KLHL3: variants seen among roughly 807,000 people sequenced by gnomAD.
KLHL3 encodes the protein kelch-like protein 3.
In KLHL3, 19 loss-of-function variants were observed where a neutral mutation model predicts 70.5. The observed-to-expected ratio is 0.27, with a 90% CI of 0.19 to 0.40. The LOEUF is 0.40. Ranked by LOEUF, KLHL3 falls within the 10% of genes least tolerant of loss-of-function variation. The pLI, the probability that KLHL3 is intolerant of heterozygous loss-of-function variation, is 1.00. For missense variants in KLHL3, 512 were observed against 771.1 expected (o/e 0.66, Z 3.98); for synonymous variants, 258 against 290.3 (o/e 0.89, Z 1.13).
chr5:137,686,386 T>TC (rs1286373170), intron 5 of KLHL3, among the ~76,000 whole-genome samples: 1 of 152,108 alleles, frequency 6.6e-6, no homozygotes, highest in Non-Finnish European at 1.5e-5. Context: ...TTCCCCCTGT[T>TC]CCCCAGATCA....
intron 14 of KLHL3, among the ~76,000 whole-genome samples, chr5:137,622,850 C>T (rs1459468758): frequency 6.6e-6 from 1 of 152,222 alleles, no homozygotes; most frequent in African/African-American, 2.4e-5. Flanking sequence ...AGGTTGATTC[C>T]GTCAACATCC....
chr5:137,648,375 G>A (rs1751109092), intron 8 of KLHL3, among the ~76,000 whole-genome samples: 1 of 152,254 alleles, frequency 6.6e-6, no homozygotes, highest in African/African-American at 2.4e-5. Context: ...CGTTTCAGTA[G>A]CATTTTTAAA....
At chr5:137,658,721 G>C (rs1751403773) in intron 7 of KLHL3, among the ~76,000 whole-genome samples, 1 of 152,104 alleles carries the variant, frequency 6.6e-6, no homozygotes, top group Admixed American at 6.6e-5. Flanking sequence ...AGAGGAAAGG[G>C]TGTGGGAGCC....
chr5:137,720,850 C>CTCCA, intron 1 of KLHL3: 1 of 1,267,930 alleles, frequency 7.9e-7, no homozygotes, highest in Non-Finnish European at 1.0e-6. Context: ...TTCTCCATCT[C>CTCCA]TCCATCCTGA....
At chr5:137,734,838 T>C (rs1753235368) in intron 1 of KLHL3, among the ~76,000 whole-genome samples, 1 of 152,246 alleles carries the variant, frequency 6.6e-6, no homozygotes, top group Non-Finnish European at 1.5e-5. Context: ...TGCACTGCGC[T>C]GAGCACCTTC....
At chr5:137,663,931 G>T (rs965575009) in intron 6 of KLHL3, among the ~76,000 whole-genome samples, 3 of 152,086 alleles carry the variant, frequency 2.0e-5, no homozygotes, top group East Asian at 1.9e-4. Flanking sequence ...GGCTGAAAAA[G>T]GTTCAAAGGA....
At chr5:137,730,915 T>A (rs529635340) in intron 1 of KLHL3, among the ~76,000 whole-genome samples, 2 of 152,280 alleles carry the variant, frequency 1.3e-5, no homozygotes, top group East Asian at 3.9e-4. Context: ...TGAGAGGCAT[T>A]GAACTTATTT....
intron 8 of KLHL3, among the ~76,000 whole-genome samples, chr5:137,656,821 G>A (rs1054807348): frequency 2.0e-5 from 3 of 152,246 alleles, no homozygotes; most frequent in Non-Finnish European, 1.5e-5. Context: ...CAGAGAACAG[G>A]TTTGGAGAGT....
chr5:137,651,252 A>G (rs796634416), intron 8 of KLHL3, among the ~76,000 whole-genome samples: 41 of 152,330 alleles, frequency 2.7e-4, no homozygotes, highest in African/African-American at 7.9e-4. Context: ...TGCGTAGAGG[A>G]GCTAACACTC....
chr5:137,643,902 C>T (rs747677254), intron 8 of KLHL3, among the ~76,000 whole-genome samples: 5 of 152,030 alleles, frequency 3.3e-5, no homozygotes, highest in Non-Finnish European at 1.5e-5. Flanking sequence ...CCTTCCCCAG[C>T]CTCTGATAAC....
chr5:137,704,953 G>A (rs754377619), intron 3 of KLHL3, among the ~76,000 whole-genome samples: 2 of 152,130 alleles, frequency 1.3e-5, no homozygotes, highest in Non-Finnish European at 2.9e-5. Flanking sequence ...AGATAGCCAC[G>A]TGGAAGGTGA....
chr5:137,655,215 G>C (rs1580736046), intron 8 of KLHL3, among the ~76,000 whole-genome samples: 1 of 152,290 alleles, frequency 6.6e-6, no homozygotes, highest in South Asian at 2.1e-4. Context: ...ATAAAAAGCA[G>C]CACACTTAGA....
chr5:137,668,548 A>C (rs1751670932), intron 6 of KLHL3, among the ~76,000 whole-genome samples: 1 of 152,182 alleles, frequency 6.6e-6, no homozygotes, highest in South Asian at 2.1e-4. Flanking sequence ...CCAGGGATTG[A>C]GGCAATACCA....
At chr5:137,694,054 T>C (rs2905609) in intron 4 of KLHL3, among the ~76,000 whole-genome samples, 118,444 of 151,616 alleles carry the variant, frequency 0.78, 46,508 homozygotes, top group East Asian at 0.98. Context: ...TTCCCAGGAC[T>C]TTCAGGGCTA....
intron 4 of KLHL3, 76 bp downstream of exon 4, chr5:137,698,211 G>T: frequency 1.3e-6 from 2 of 1,562,612 alleles, no homozygotes; most frequent in Non-Finnish European, 1.8e-6. Flanking sequence ...TGTTGTGAGG[G>T]TTAAATAAAA....
At chr5:137,684,641 G>A (rs187225360) in intron 5 of KLHL3, among the ~76,000 whole-genome samples, 1 of 152,244 alleles carries the variant, frequency 6.6e-6, no homozygotes, top group East Asian at 1.9e-4. Flanking sequence ...TCTGCTGATG[G>A]CCCAGTGTAT....
intron 11 of KLHL3, among the ~76,000 whole-genome samples, chr5:137,636,848 TAAG>T (rs1335400899): frequency 6.6e-6 from 1 of 152,214 alleles, no homozygotes; most frequent in African/African-American, 2.4e-5. Context: ...TCATCAGACC[TAAG>T]AAGAGGTGCC....
chr5:137,663,853 A>G (rs1751547873), intron 6 of KLHL3, among the ~76,000 whole-genome samples: 2 of 152,210 alleles, frequency 1.3e-5, no homozygotes, highest in Non-Finnish European at 2.9e-5. Flanking sequence ...GACAATTTAA[A>G]TATCAGTGAG....
At chr5:137,628,469 T>C in intron 12 of KLHL3, 32 bp from the exon 13 acceptor site, 1 of 1,613,078 alleles carries the variant, frequency 6.2e-7, no homozygotes, top group Non-Finnish European at 8.5e-7. Context: ...CCCAGCCTCA[T>C]GCTGACTACA....
Sources: gnomAD v4.1 joint callset for allele counts (sites outside exome capture counted in the v4.1 genomes callset) on GRCh38, gnomAD v4.1.1 for gene constraint, MANE v1.5 for transcripts, NCBI Gene and HGNC (gene_info 2026-07-23, HGNC 2026-07-21) for gene names.